Variants in EXOC6B observed in about 807,000 individuals in gnomAD.
EXOC6B encodes the protein SEC15 homolog B.
EXOC6B carries 54 observed loss-of-function variants against 113.5 expected under a neutral mutation model. The ratio of observed to expected loss-of-function variants is 0.48; its 90% CI spans 0.38 to 0.60. The LOEUF (loss-of-function observed/expected upper bound fraction) is 0.60, where lower values mean the gene tolerates loss of function less well. Ranked by LOEUF, EXOC6B falls within the 20% of genes least tolerant of loss-of-function variation. EXOC6B has a pLI of 0.00. For synonymous variants in EXOC6B, 357 were observed against 339.0 expected (o/e 1.05, Z -0.58); for missense variants, 797 against 977.5 (o/e 0.82, Z 2.46).
chr2:72,668,925 G>A (rs1290580030), intron 6 of EXOC6B, among the ~76,000 whole-genome samples: 2 of 151,966 alleles, frequency 1.3e-5, no homozygotes, highest in Admixed American at 6.6e-5. Flanking sequence ...TAAAATAAAA[G>A]TTGAACAAAA....
intron 8 of EXOC6B, among the ~76,000 whole-genome samples, chr2:72,557,703 G>C (rs1452417617): frequency 3.9e-5 from 6 of 151,944 alleles, no homozygotes; most frequent in South Asian, 2.1e-4. Flanking sequence ...TAATTTTTGG[G>C]TACTGGGCTT....
chr2:72,808,004 C>T (rs1455453603), intron 1 of EXOC6B, among the ~76,000 whole-genome samples: 1 of 152,102 alleles, frequency 6.6e-6, no homozygotes, highest in East Asian at 1.9e-4. Context: ...GGGATGGATA[C>T]CCCATTTTCC....
intron 5 of EXOC6B, among the ~76,000 whole-genome samples, chr2:72,721,465 G>A: frequency 7.7e-6 from 1 of 130,450 alleles, no homozygotes; most frequent in Admixed American, 7.9e-5. Context: ...ACTGATATGT[G>A]AAAAAATGCA....
intron 1 of EXOC6B, among the ~76,000 whole-genome samples, chr2:72,820,700 C>A (rs1686533688): frequency 6.6e-6 from 1 of 151,950 alleles, no homozygotes; most frequent in Non-Finnish European, 1.5e-5. Context: ...ATAAGGAGAT[C>A]AAAATAAATC....
intron 6 of EXOC6B, among the ~76,000 whole-genome samples, chr2:72,595,290 T>C (rs1407048059): frequency 6.8e-6 from 1 of 146,452 alleles, no homozygotes; most frequent in East Asian, 2.0e-4. Flanking sequence ...TATAGATATA[T>C]ATATCTATAT....
At chr2:72,337,700 A>T (rs1439230680) in intron 19 of EXOC6B, among the ~76,000 whole-genome samples, 1 of 152,224 alleles carries the variant, frequency 6.6e-6, no homozygotes, top group Non-Finnish European at 1.5e-5. Flanking sequence ...CAGTTGCATC[A>T]GGTATGATAA....
intron 18 of EXOC6B, among the ~76,000 whole-genome samples, chr2:72,408,060 AT>A (rs61431776): frequency 0.2 from 30,423 of 152,084 alleles, 5,610 homozygotes; most frequent in African/African-American, 0.49. Flanking sequence ...AACCATTCTT[AT>A]ACACCAATAA....
chr2:72,651,402 A>C (rs1674154399), intron 6 of EXOC6B, among the ~76,000 whole-genome samples: 1 of 152,208 alleles, frequency 6.6e-6, no homozygotes, highest in African/African-American at 2.4e-5. Flanking sequence ...GGCAGAACTG[A>C]ATTGATATTA....
intron 18 of EXOC6B, among the ~76,000 whole-genome samples, chr2:72,401,581 A>ATGTG (rs1693247815): frequency 5.0e-5 from 1 of 20,034 alleles, no homozygotes; most frequent in Non-Finnish European, 8.1e-5. Context: ...ATATATATAT[A>ATGTG]CATATATATA....
At chr2:72,369,265 C>T (rs1029990074) in intron 19 of EXOC6B, among the ~76,000 whole-genome samples, 3 of 152,092 alleles carry the variant, frequency 2.0e-5, no homozygotes, top group East Asian at 3.8e-4. Context: ...TTCACAATTG[C>T]TTCAAACAGA....
chr2:72,461,623 A>G (rs1267231915), intron 18 of EXOC6B: 1 of 152,012 alleles, frequency 6.6e-6, no homozygotes, highest in Non-Finnish European at 1.5e-5. Context: ...TCCTCGCTAT[A>G]CAAAATACAT....
At chr2:72,253,706 G>T (rs1381125946) in intron 20 of EXOC6B, among the ~76,000 whole-genome samples, 1 of 152,082 alleles carries the variant, frequency 6.6e-6, no homozygotes, top group Non-Finnish European at 1.5e-5. Flanking sequence ...CAGGGTGGAG[G>T]GTAGGAGAAG....
intron 11 of EXOC6B, among the ~76,000 whole-genome samples, chr2:72,504,888 C>T (rs1401963848): frequency 6.6e-6 from 1 of 152,138 alleles, no homozygotes; most frequent in Non-Finnish European, 1.5e-5. Context: ...GTTTTCCCAG[C>T]CAGGTGGATT....
intron 7 of EXOC6B, among the ~76,000 whole-genome samples, chr2:72,566,893 T>C (rs1704209790): frequency 6.6e-6 from 1 of 152,032 alleles, no homozygotes; most frequent in African/African-American, 2.4e-5. Flanking sequence ...ATTTTCAAAA[T>C]ATATTTCAAA....
intron 6 of EXOC6B, among the ~76,000 whole-genome samples, chr2:72,694,109 G>A (rs1677693968): frequency 6.6e-6 from 1 of 152,048 alleles, no homozygotes. Flanking sequence ...TAAAAGCTCT[G>A]GATACAAATT....
chr2:72,428,623 C>T (rs1031247221), intron 18 of EXOC6B, among the ~76,000 whole-genome samples: 7 of 152,174 alleles, frequency 4.6e-5, no homozygotes, highest in East Asian at 1.9e-4. Context: ...ATGAGAAGAG[C>T]GCAGCCTACC....
chr2:72,326,160 T>C (rs1688115203), intron 20 of EXOC6B, among the ~76,000 whole-genome samples: 1 of 152,136 alleles, frequency 6.6e-6, no homozygotes. Context: ...GTTCAAAACC[T>C]AGCAGTTTTC....
chr2:72,246,633 G>A (rs1275187674), intron 20 of EXOC6B, among the ~76,000 whole-genome samples: 1 of 150,360 alleles, frequency 6.7e-6, no homozygotes, highest in Non-Finnish European at 1.5e-5. Context: ...TCATCCTCCC[G>A]AGTAACTAGG....
At chr2:72,187,254 A>G (rs1456034100) in intron 20 of EXOC6B, among the ~76,000 whole-genome samples, 6 of 151,874 alleles carry the variant, frequency 4.0e-5, no homozygotes, top group Admixed American at 3.9e-4. Flanking sequence ...TGGCTCAGGG[A>G]GCTCCCAGGT....
Sources: gnomAD v4.1 joint callset for allele counts (sites outside exome capture counted in the v4.1 genomes callset) on GRCh38, gnomAD v4.1.1 for gene constraint, MANE v1.5 for transcripts, NCBI Gene and HGNC (gene_info 2026-07-23, HGNC 2026-07-21) for gene names.